Variants in COMT observed in about 807,000 individuals in gnomAD.
COMT encodes catechol O-methyltransferase.
In COMT, 13 loss-of-function variants were observed where a neutral mutation model predicts 18.9. The ratio of observed to expected loss-of-function variants is 0.69; its 90% CI spans 0.45 to 1.09. The LOEUF (loss-of-function observed/expected upper bound fraction) is 1.09, where lower values mean the gene tolerates loss of function less well. Among genes scored for constraint, COMT ranks in the 50% least tolerant of loss-of-function variants. The pLI is 0.00. For synonymous variants in COMT, 150 were observed against 160.9 expected, an observed-to-expected ratio of 0.93 and a Z score of 0.51; for missense variants, 329 against 361.8, an observed-to-expected ratio of 0.91 and a Z score of 0.73.
chr22:19,959,478 T>C (rs1260667162), intron 1 of COMT, among the ~76,000 whole-genome samples: 1 of 152,154 alleles, frequency 6.6e-6, no homozygotes, highest in Non-Finnish European at 1.5e-5. Flanking sequence ...GGGCCTCCCC[T>C]TCTGGGGCCT....
At chr22:19,950,921 G>C (rs1941920134) in intron 1 of COMT, 8 of 152,248 alleles carry the variant, frequency 5.3e-5, no homozygotes, top group Admixed American at 5.2e-4. Context: ...ATGATCAGCA[G>C]GGCTCCAGTA....
intron 1 of COMT, among the ~76,000 whole-genome samples, chr22:19,943,723 C>A (rs1321114752): frequency 6.6e-6 from 1 of 150,768 alleles, no homozygotes; most frequent in Non-Finnish European, 1.5e-5. Context: ...GTTGATAAAC[C>A]CAGTTTTTGA....
chr22:19,959,816 C>A (rs1337843190), intron 1 of COMT, among the ~76,000 whole-genome samples: 2 of 25,578 alleles, frequency 7.8e-5, no homozygotes, highest in Non-Finnish European at 3.4e-4. Context: ...TGGCTCTTGG[C>A]CGTTGGGGCC....
At chr22:19,952,659 C>CAA (rs1283213938) in intron 1 of COMT, among the ~76,000 whole-genome samples, 8 of 136,592 alleles carry the variant, frequency 5.9e-5, no homozygotes, top group South Asian at 2.3e-4. Flanking sequence ...AAAACAACAA[C>CAA]AAAAAAAAAA....
chr22:19,959,374 A>T (rs56104268), intron 1 of COMT, among the ~76,000 whole-genome samples: 2 of 152,198 alleles, frequency 1.3e-5, no homozygotes, highest in Non-Finnish European at 2.9e-5. Flanking sequence ...TCGGATGGCC[A>T]GGTGGGCGTG....
intron 1 of COMT, among the ~76,000 whole-genome samples, chr22:19,942,205 G>T (rs1024335895): frequency 2.6e-4 from 40 of 152,192 alleles, no homozygotes; most frequent in Admixed American, 2.6e-3. Context: ...GACTGGGTTG[G>T]GGGTCCAGAC....
chr22:19,964,004 C>T (rs1425520165), intron 4 of COMT, 164 bp from the exon 5 acceptor site: 5 of 1,418,818 alleles, frequency 3.5e-6, no homozygotes, highest in Non-Finnish European at 9.8e-7. Context: ...AGAGTGGGGC[C>T]TTGTCATCCC....
chr22:19,942,661 G>A (rs1421445141), intron 1 of COMT, among the ~76,000 whole-genome samples: 1 of 149,432 alleles, frequency 6.7e-6, no homozygotes, highest in South Asian at 2.1e-4. Context: ...GACCGTAGGA[G>A]CTGCCCTGCA....
Position 19,948,876 on chromosome 22 carries a change from G to T in COMT, c.-92+6979G>T, listed in dbSNP as rs1347447009. ...AGGCTGAGACAGCAGAATTGCTTAA[G>T]CCTGGGAGGCAGAGGTTACAGTGAG... On this transcript the variant is annotated intron_variant, in intron 1 of 5. Transcript: ENST00000361682. Among the ~76,000 whole-genome samples the T allele has an allele frequency of 1.1e-4, 16 of 148,090 alleles. No homozygotes were observed. The Admixed American group carries it at 1.1e-3, about 10-fold the overall frequency.
intron 5 of COMT, among the ~76,000 whole-genome samples, chr22:19,966,641 A>C (rs975908089): frequency 6.6e-6 from 1 of 151,996 alleles, no homozygotes; most frequent in Admixed American, 6.6e-5. Flanking sequence ...GGGTCTCCCT[A>C]TGTTGCCCAG....
chr22:19,968,900 C>T lies in COMT; in HGVS notation c.*164C>T. On this transcript the variant is annotated 3_prime_UTR_variant, in exon 6 of 6. Transcript: ENST00000361682. Reference sequence around the variant, plus strand: ...ATGCTAACCTCTCTGAACTGCAACACTGGATTGTTCTTTTTTAAGACTCAA... The same window carrying T: ...ATGCTAACCTCTCTGAACTGCAACATTGGATTGTTCTTTTTTAAGACTCAA... 1.6e-6 allele frequency: 1 copy of T among 640,912 alleles called. No homozygotes were observed. The allele number at this position is 640,912 out of a possible 1,614,324, so 39.7% of individuals were successfully genotyped here.
At chr22:19,942,018 G>T in intron 1 of COMT, 121 bp downstream of exon 1, 1 of 424,682 alleles carries the variant, frequency 2.4e-6, no homozygotes, top group Non-Finnish European at 4.1e-6. Flanking sequence ...GTGATCTGAC[G>T]TTGGGTGGGA....
Position 19,951,469 on chromosome 22 carries a change from C to G in COMT, c.-92+9572C>G, listed in dbSNP as rs544882417. 3.9e-5 allele frequency: 6 copies of G among 152,110 alleles called. No individual in the cohort carries two copies. The South Asian group carries it at 1.0e-3, about 26-fold the overall frequency. 9.4% of individuals were successfully genotyped at this position (152,110 alleles called of 1,614,324 possible). A position where few individuals can be genotyped will look rare whatever the true frequency, so the allele number is the denominator to read the frequency against. ...CTCACTGCTGCATCCGATATTCTTC[C>G]GGACCACTGGATCACAAATCAAACC... On this transcript the variant is annotated intron_variant, in intron 1 of 5. Transcript: ENST00000361682.
Position 19,962,433 on chromosome 22 carries a change from A to C in COMT, c.1-94A>C, listed in dbSNP as rs1005479274. ...TTCTGAACCTTGCCCCTCTGCAAAC[A>C]CAAGGGGGCGATGGTGGCACTCCAA... On this transcript the variant is annotated intron_variant, in intron 2 of 5. Coordinates refer to ENST00000361682, the MANE Select transcript of COMT (RefSeq NM_000754.4). 7 of 1,530,404 alleles carry C rather than the reference A, an allele frequency of 4.6e-6. No individual in the cohort carries two copies. In the African/African-American group the frequency reaches 9.6e-5, roughly 21 times the overall value. 94.8% of individuals were successfully genotyped at this position (1,530,404 alleles called of 1,614,324 possible). A position where few individuals can be genotyped will look rare whatever the true frequency, so the allele number is the denominator to read the frequency against.
rs1275266067 is a variant in COMT, at chr22:19,962,604, G to A, written c.78G>A (p.Leu26=). The part of the protein sequence containing the change: ...LVLLVVLLLL[L]RHWGWGLCLI... ...TGCTGGTGGTGCTGCTGCTGCTTCT[G>A]AGGCACTGGGGCTGGGGCCTGTGCC... The change falls in exon 3 of 6, where the codon CTG becomes CTA. Residue 26 remains leucine, a synonymous_variant. Coordinates refer to ENST00000361682, the MANE Select transcript of COMT (RefSeq NM_000754.4). 2 of 1,593,954 alleles carry A rather than the reference G, an allele frequency of 1.3e-6. No individual in the cohort carries two copies. Among genetic ancestry groups the A allele is most frequent in the Non-Finnish European group, 1.7e-6 (2 of 1,170,510 alleles).
In COMT at chr22:19,941,785, C is replaced by T. The variant is rs1941730264; in HGVS notation, c.-204C>T. 1.3e-6 allele frequency: 2 copies of T among 1,530,874 alleles called. No individual in the cohort carries two copies. The highest frequency in any genetic ancestry group is 1.7e-6 in the Non-Finnish European group (2 of 1,149,336). 94.8% of individuals were successfully genotyped at this position (1,530,874 alleles called of 1,614,324 possible). ...AAGCGCCCTCCTAATCCCCGCAGCG[C>T]CACCGCCATTGCCGCCATCGTCGTG... On this transcript the variant is annotated 5_prime_UTR_variant, in exon 1 of 6. Coordinates refer to ENST00000361682, the MANE Select transcript of COMT (RefSeq NM_000754.4).
chr22:19,951,267 G>A (rs1004530977), intron 1 of COMT, among the ~76,000 whole-genome samples: 2 of 149,568 alleles, frequency 1.3e-5, no homozygotes, highest in African/African-American at 4.9e-5. Context: ...GCTGAGGCAG[G>A]AGAATGGCAT....
At chr22:19,947,281 C>T (rs1028570442) in intron 1 of COMT, among the ~76,000 whole-genome samples, 9 of 150,630 alleles carry the variant, frequency 6.0e-5, no homozygotes. Flanking sequence ...CCTACAGGGT[C>T]TGTGGGTTTT....
chr22:19,947,817 C>T (rs112812954), intron 1 of COMT, among the ~76,000 whole-genome samples: 1,592 of 152,244 alleles, frequency 0.01, 18 homozygotes, highest in African/African-American at 0.035. Context: ...ACTTCCTTTC[C>T]CGGTCTGCTA....
Sources: allele counts gnomAD v4.1 joint callset (sites outside exome capture counted in the v4.1 genomes callset), GRCh38; gene constraint gnomAD v4.1.1; transcripts MANE v1.5; gene names NCBI Gene and HGNC (gene_info 2026-07-23, HGNC 2026-07-21).